Variants in CSMD2 observed in about 807,000 individuals in gnomAD.
CSMD2 encodes the protein CUB and Sushi multiple domains 2, also known as CUB and sushi domain-containing protein 2.
Under a neutral mutation model 398.5 loss-of-function variants are expected in CSMD2, and 130 were observed. That is an observed-to-expected ratio of 0.33 (90% confidence interval 0.28 to 0.38). The LOEUF (loss-of-function observed/expected upper bound fraction) is 0.38, where lower values mean the gene tolerates loss of function less well. Ranked by LOEUF, CSMD2 falls within the 10% of genes least tolerant of loss-of-function variation. The pLI, the probability that CSMD2 is intolerant of heterozygous loss-of-function variation, is 1.00. For missense variants in CSMD2, 3,829 were observed against 4,764.9 expected, an observed-to-expected ratio of 0.80 and a Z score of 5.78; for synonymous variants, 1,828 against 1,908.5, an observed-to-expected ratio of 0.96 and a Z score of 1.10.
At chr1:33,988,730 T>G (rs1162049922) in intron 3 of CSMD2, among the ~76,000 whole-genome samples, 1 of 151,688 alleles carries the variant, frequency 6.6e-6, no homozygotes, top group Non-Finnish European at 1.5e-5. Context: ...AAAAAAATAC[T>G]AAGACAAGGA....
At chr1:34,120,603 G>A (rs1662078948) in intron 1 of CSMD2, among the ~76,000 whole-genome samples, 1 of 152,166 alleles carries the variant, frequency 6.6e-6, no homozygotes, top group Non-Finnish European at 1.5e-5. Context: ...GGAGTACAAT[G>A]GCGCAATCTC....
At chr1:33,848,876 AT>A (rs1384226840) in intron 5 of CSMD2, among the ~76,000 whole-genome samples, 2 of 143,956 alleles carry the variant, frequency 1.4e-5, no homozygotes, top group Admixed American at 1.4e-4. Context: ...GAGGCTATTT[AT>A]ATAAGGGAAG....
rs553761568 is a variant in CSMD2, at chr1:33,941,110, C to T, written c.518-5156G>A. On this transcript the variant is annotated intron_variant, in intron 3 of 70. Transcript: ENST00000373381. The stretch of plus-strand genomic sequence containing the variant: ...TGAAGAGGGGGATATTTACATCCAA[C>T]GCAGCCCAGAACAATATTATTAAAG... Among the ~76,000 whole-genome samples the T allele has an allele frequency of 1.4e-4, 21 of 152,238 alleles. 1 individual carries two copies. The South Asian group carries it at 4.4e-3, about 32-fold the overall frequency.
intron 25 of CSMD2, among the ~76,000 whole-genome samples, chr1:33,683,920 A>C (rs1054142204): frequency 6.6e-6 from 1 of 152,238 alleles, no homozygotes; most frequent in Admixed American, 6.5e-5. Flanking sequence ...TTTAAGGTTT[A>C]ACTTGCTATA....
intron 1 of CSMD2, among the ~76,000 whole-genome samples, chr1:34,161,149 G>A (rs1641292685): frequency 6.6e-6 from 1 of 152,108 alleles, no homozygotes; most frequent in Non-Finnish European, 1.5e-5. Context: ...ATAACTGGGA[G>A]GCTACAGGAA....
intron 15 of CSMD2, among the ~76,000 whole-genome samples, chr1:33,732,124 G>A (rs948104522): frequency 1.3e-5 from 2 of 150,682 alleles, no homozygotes; most frequent in African/African-American, 2.4e-5. Context: ...GCGTGCACAT[G>A]CACACACACA....
chr1:33,995,839 A>C (rs1269971344), intron 3 of CSMD2, among the ~76,000 whole-genome samples: 1 of 152,226 alleles, frequency 6.6e-6, no homozygotes, highest in African/African-American at 2.4e-5. Context: ...GCAGTGGTTC[A>C]TCTAGATTTT....
At chr1:33,761,504 G>A (rs1649809384) in intron 13 of CSMD2, among the ~76,000 whole-genome samples, 1 of 152,334 alleles carries the variant, frequency 6.6e-6, no homozygotes, top group African/African-American at 2.4e-5. Flanking sequence ...AAGAGCTCAA[G>A]CCTTCCCATT....
intron 64 of CSMD2, among the ~76,000 whole-genome samples, chr1:33,531,977 A>G (rs1026414813): frequency 2.6e-5 from 4 of 152,366 alleles, no homozygotes; most frequent in Admixed American, 6.5e-5. Flanking sequence ...ATTCTATCAC[A>G]ATAAAAACTT....
At chr1:33,536,236 T>C (rs969086843) in intron 62 of CSMD2, among the ~76,000 whole-genome samples, 5 of 152,326 alleles carry the variant, frequency 3.3e-5, no homozygotes, top group African/African-American at 9.6e-5. Context: ...CTCTTCTTTT[T>C]TTTCTGAGAC....
intron 3 of CSMD2, among the ~76,000 whole-genome samples, chr1:33,962,599 C>CA (rs1464400154): frequency 1.3e-5 from 2 of 152,128 alleles, no homozygotes; most frequent in Non-Finnish European, 2.9e-5. Context: ...CAGGTCCTTC[C>CA]AATGGCCTGC....
At chr1:33,652,244 T>C (rs776858321) in intron 28 of CSMD2, 79 bp downstream of exon 28, 419 of 1,473,482 alleles carry the variant, frequency 2.8e-4, no homozygotes, top group Non-Finnish European at 3.4e-4. Flanking sequence ...GACCTGTGAA[T>C]ACTCACCTGG....
At chr1:33,837,605 T>C (rs1660436205) in intron 6 of CSMD2, among the ~76,000 whole-genome samples, 1 of 152,240 alleles carries the variant, frequency 6.6e-6, no homozygotes, top group Non-Finnish European at 1.5e-5. Flanking sequence ...CATGCATACA[T>C]GCACATTTCT....
chr1:33,926,553 G>T (rs1471552852), intron 4 of CSMD2, among the ~76,000 whole-genome samples: 1 of 152,136 alleles, frequency 6.6e-6, no homozygotes, highest in African/African-American at 2.4e-5. Context: ...ATCCTGTTTT[G>T]ATTGAAGATC....
At chr1:33,531,674 A>C (rs550051918) in intron 64 of CSMD2, among the ~76,000 whole-genome samples, 22 of 152,388 alleles carry the variant, frequency 1.4e-4, no homozygotes, top group African/African-American at 4.1e-4. Flanking sequence ...CAACATGGTT[A>C]AATCTTGAAA....
intron 10 of CSMD2, among the ~76,000 whole-genome samples, chr1:33,803,224 C>T (rs74763857): frequency 0.019 from 2,850 of 152,270 alleles, 92 homozygotes; most frequent in African/African-American, 0.064. Flanking sequence ...CCTGTCACGA[C>T]GGTATTCTCA....
At chr1:34,023,532 G>A (rs1649216661) in intron 3 of CSMD2, among the ~76,000 whole-genome samples, 1 of 152,176 alleles carries the variant, frequency 6.6e-6, no homozygotes. Context: ...CCTAGACTAA[G>A]GTATCATGGT....
At chr1:33,772,872 C>T in intron 12 of CSMD2, 121 bp from the exon 13 acceptor site, 1 of 779,252 alleles carries the variant, frequency 1.3e-6, no homozygotes, top group South Asian at 1.8e-5. Flanking sequence ...CAGAGTGACA[C>T]AGGTAGGATT....
intron 24 of CSMD2, among the ~76,000 whole-genome samples, chr1:33,695,890 T>C (rs1230745330): frequency 6.6e-6 from 1 of 152,136 alleles, no homozygotes; most frequent in East Asian, 1.9e-4. Flanking sequence ...ATACCTCCCC[T>C]CCCCAGGTAG....
Sources: allele counts gnomAD v4.1 joint callset (sites outside exome capture counted in the v4.1 genomes callset), GRCh38; gene constraint gnomAD v4.1.1; transcripts MANE v1.5; gene names NCBI Gene and HGNC (gene_info 2026-07-23, HGNC 2026-07-21).